RAPGEF6: variants seen among roughly 807,000 people sequenced by gnomAD.
The protein encoded by RAPGEF6 is Rap guanine nucleotide exchange factor 6.
Under a neutral mutation model 171.4 loss-of-function variants are expected in RAPGEF6, and 56 were observed. The observed-to-expected ratio is 0.33, with a 90% CI of 0.26 to 0.41. RAPGEF6 has a LOEUF of 0.41. Among genes scored for constraint, RAPGEF6 ranks in the 10% least tolerant of loss-of-function variants. The pLI, the probability that RAPGEF6 is intolerant of heterozygous loss-of-function variation, is 1.00. For missense variants in RAPGEF6, 1,674 were observed against 1,921.4 expected (o/e 0.87, Z 2.41); for synonymous variants, 692 against 650.1 (o/e 1.06, Z -0.98).
chr5:131,633,451 C>T (rs192340920), intron 1 of RAPGEF6, among the ~76,000 whole-genome samples: 1 of 152,162 alleles, frequency 6.6e-6, no homozygotes, highest in Non-Finnish European at 1.5e-5. Flanking sequence ...TAAAAGCAGC[C>T]GGGCAACTTG....
chr5:131,499,057 T>A (rs375036604), intron 11 of RAPGEF6, among the ~76,000 whole-genome samples: 1 of 152,116 alleles, frequency 6.6e-6, no homozygotes, highest in East Asian at 1.9e-4. Flanking sequence ...TTCTCCAAAT[T>A]TAATCCACCT....
rs1761588870 is a variant in RAPGEF6, at chr5:131,561,373, T to A, written c.351+605A>T. On this transcript the variant is annotated intron_variant, in intron 5 of 27. Transcript: ENST00000509018. ...ATTGAATGGGAAAGAAGAAATCACC[T>A]GAGGCTGGGCGCAGTGACCCACGCC... Among the ~76,000 whole-genome samples, 6 of 152,086 alleles carry A rather than the reference T, an allele frequency of 3.9e-5. No individual in the cohort carries two copies. The South Asian group carries it at 1.2e-3, about 31-fold the overall frequency.
chr5:131,630,178 C>T (rs939259130), intron 1 of RAPGEF6, among the ~76,000 whole-genome samples: 3 of 152,202 alleles, frequency 2.0e-5, no homozygotes, highest in Non-Finnish European at 4.4e-5. Context: ...GCAACTACCA[C>T]CCTGATTGGT....
intron 1 of RAPGEF6, among the ~76,000 whole-genome samples, chr5:131,619,292 C>T (rs527550004): frequency 2.6e-5 from 4 of 152,172 alleles, no homozygotes; most frequent in South Asian, 2.1e-4. Flanking sequence ...TGGAGGGGAA[C>T]ATCACACACC....
intron 6 of RAPGEF6, among the ~76,000 whole-genome samples, chr5:131,537,860 G>A (rs142156565): frequency 6.7e-4 from 102 of 152,082 alleles, no homozygotes; most frequent in African/African-American, 2.2e-3. Context: ...TTGGGAGGCC[G>A]AGGCAGGCTA....
At chr5:131,474,069 C>T (rs1294354123) in intron 16 of RAPGEF6, among the ~76,000 whole-genome samples, 2 of 152,182 alleles carry the variant, frequency 1.3e-5, no homozygotes, top group Non-Finnish European at 2.9e-5. Flanking sequence ...AACACTATCT[C>T]CCCCAGGAAT....
chr5:131,603,564 C>A (rs1764380211), intron 2 of RAPGEF6, among the ~76,000 whole-genome samples: 1 of 151,854 alleles, frequency 6.6e-6, no homozygotes, highest in Non-Finnish European at 1.5e-5. Context: ...ATGTACATTA[C>A]AAAATCTGTC....
intron 1 of RAPGEF6, among the ~76,000 whole-genome samples, chr5:131,628,157 A>T (rs1395941553): frequency 6.6e-6 from 1 of 152,236 alleles, no homozygotes; most frequent in Non-Finnish European, 1.5e-5. Context: ...AGAAATGATT[A>T]AACTTAGGAA....
At chr5:131,519,660 C>T (rs889602436) in intron 7 of RAPGEF6, among the ~76,000 whole-genome samples, 20 of 152,120 alleles carry the variant, frequency 1.3e-4, no homozygotes, top group Non-Finnish European at 2.9e-4. Flanking sequence ...CCTAGGCCTC[C>T]CATCCTATAG....
At chr5:131,579,693 T>C (rs944910701) in intron 4 of RAPGEF6, among the ~76,000 whole-genome samples, 1 of 152,124 alleles carries the variant, frequency 6.6e-6, no homozygotes, top group African/African-American at 2.4e-5. Context: ...GAAACAAAAG[T>C]TCTCCAAGTC....
At chr5:131,569,443 T>C (rs535874308) in intron 4 of RAPGEF6, among the ~76,000 whole-genome samples, 82 of 152,220 alleles carry the variant, frequency 5.4e-4, no homozygotes, top group African/African-American at 1.9e-3. Flanking sequence ...TCAACAAAGG[T>C]ACCAAGGCAA....
At position 131,461,795 on chromosome 5, in the gene RAPGEF6, A is replaced by G; in HGVS notation, c.2774T>C (p.Leu925Pro). 4 of 1,613,726 alleles carry G rather than the reference A, an allele frequency of 2.5e-6. No homozygotes were observed. Among genetic ancestry groups the G allele is most frequent in the Non-Finnish European group, 3.4e-6 (4 of 1,179,674 alleles). Residue 925 changes from leucine (L) to proline (P), a missense_variant, in exon 19 of 28, where the codon CTC becomes CCC. Leu to Pro is a moderately conservative substitution (Grantham distance 98). This residue lies in a region of RAPGEF6 where 1,116 missense variants were observed against 1,321.5 expected (regional missense o/e 0.84). Coordinates refer to ENST00000509018, the MANE Select transcript of RAPGEF6 (RefSeq NM_016340.6). ...ASEILTEANQ[L>P]KRMKIIKHFI... ...ATGCTTAATAATCTTCATTCGTTTGAGCTGATTTGCTTCAGTTAAAATTTC... is the reference window on the plus strand; with the variant it reads ...ATGCTTAATAATCTTCATTCGTTTGGGCTGATTTGCTTCAGTTAAAATTTC...
rs1196971408 is a variant in RAPGEF6 at position 131,426,283 on chromosome 5, C to A, written c.*983G>T. 6.6e-6 allele frequency: 1 copy of A among 152,306 alleles called. No homozygotes were observed. Among genetic ancestry groups the A allele is most frequent in the African/African-American group, 2.4e-5 (1 of 41,446 alleles). 9.4% of individuals were successfully genotyped at this position (152,306 alleles called of 1,614,324 possible). On this transcript the variant is annotated 3_prime_UTR_variant, in exon 28 of 28. Transcript: ENST00000509018. ...AAAGTCAAATTCGTCTTCATTATTA[C>A]AACACCCATGATAAGAATTTCTTTA...
intron 17 of RAPGEF6, among the ~76,000 whole-genome samples, chr5:131,467,191 G>A (rs904034478): frequency 2.0e-5 from 3 of 152,168 alleles, no homozygotes; most frequent in African/African-American, 7.2e-5. Context: ...TTCTGGGAAG[G>A]AGCACACAAT....
At chr5:131,597,212 G>A (rs1228388811) in intron 3 of RAPGEF6, among the ~76,000 whole-genome samples, 1 of 151,726 alleles carries the variant, frequency 6.6e-6, no homozygotes, top group Non-Finnish European at 1.5e-5. Context: ...TCAAAAAGAC[G>A]AAAACAAGTG....
chr5:131,506,342 C>T (rs990288176), intron 9 of RAPGEF6, among the ~76,000 whole-genome samples: 1 of 152,080 alleles, frequency 6.6e-6, no homozygotes, highest in Admixed American at 6.6e-5. Context: ...TTGCTATGTT[C>T]CCCAGGCTGG....
chr5:131,560,707 C>T (rs897317600), intron 5 of RAPGEF6, among the ~76,000 whole-genome samples: 6 of 152,158 alleles, frequency 3.9e-5, no homozygotes, highest in African/African-American at 9.7e-5. Context: ...TCACTGAATA[C>T]TTACTATGCA....
At chr5:131,514,492 T>A (rs144078565) in intron 7 of RAPGEF6, among the ~76,000 whole-genome samples, 1 of 152,168 alleles carries the variant, frequency 6.6e-6, no homozygotes, top group East Asian at 1.9e-4. Flanking sequence ...AGCAGGGAAA[T>A]GTGACCTATA....
chr5:131,619,427 C>T (rs1022397168), intron 1 of RAPGEF6, among the ~76,000 whole-genome samples: 2 of 152,034 alleles, frequency 1.3e-5, no homozygotes, highest in African/African-American at 4.8e-5. Context: ...ATGTAACAAA[C>T]CTGCACGTTC....
Sources: gnomAD v4.1 joint callset for allele counts (sites outside exome capture counted in the v4.1 genomes callset) on GRCh38, gnomAD v4.1.1 for gene constraint, gnomAD v4.1.1 regional missense constraint, MANE v1.5 for transcripts, NCBI Gene and HGNC (gene_info 2026-07-23, HGNC 2026-07-21) for gene names.